SORCS1: variants seen among roughly 807,000 people sequenced by gnomAD.
The protein encoded by SORCS1 is sortilin related VPS10 domain containing receptor 1.
SORCS1 carries 60 observed loss-of-function variants against 146.1 expected under a neutral mutation model. The ratio of observed to expected loss-of-function variants is 0.41; its 90% CI spans 0.33 to 0.51. SORCS1 has a LOEUF of 0.51. Among genes scored for constraint, SORCS1 ranks in the 20% least tolerant of loss-of-function variants. The pLI is 0.21. For synonymous variants in SORCS1, 637 were observed against 584.0 expected (o/e 1.09, Z -1.31); for missense variants, 1,352 against 1,487.6 (o/e 0.91, Z 1.50).
chr10:107,114,932 T>C (rs929089166), intron 1 of SORCS1, among the ~76,000 whole-genome samples: 2 of 152,042 alleles, frequency 1.3e-5, no homozygotes, highest in African/African-American at 4.8e-5. Context: ...GACATACACA[T>C]GTCAGTTGCA....
chr10:106,757,799 G>C (rs1194172628), intron 5 of SORCS1, among the ~76,000 whole-genome samples: 1 of 152,188 alleles, frequency 6.6e-6, no homozygotes, highest in Non-Finnish European at 1.5e-5. Flanking sequence ...AGCATTTGTT[G>C]ATTTAGTAGA....
At chr10:106,628,667 C>T (rs1848248186) in intron 19 of SORCS1, among the ~76,000 whole-genome samples, 1 of 152,190 alleles carries the variant, frequency 6.6e-6, no homozygotes, top group Non-Finnish European at 1.5e-5. Flanking sequence ...TTTCTCTCTA[C>T]ACCACCTTCT....
the SORCS1 span, among the ~76,000 whole-genome samples, chr10:107,172,910 TGAC>T: frequency 1.3e-5 from 2 of 152,334 alleles, no homozygotes; most frequent in Middle Eastern, 6.8e-3. Flanking sequence ...CCGGTAACAT[TGAC>T]AATGTTTGTT....
rs764329612 is a variant in SORCS1 at position 106,660,331 on chromosome 10, C to T, written c.2303+7358G>A. Among the ~76,000 whole-genome samples the T allele has an allele frequency of 4.6e-5, 7 of 152,252 alleles. No homozygotes were observed. The East Asian group carries it at 7.7e-4, about 17-fold the overall frequency. ...AGTGTGATGTTTTGATACATATATACATTGTGTAATGATTAAATCCATCAT... is the reference window on the plus strand; with the variant it reads ...AGTGTGATGTTTTGATACATATATATATTGTGTAATGATTAAATCCATCAT... On this transcript the variant is annotated intron_variant, in intron 17 of 25. Coordinates refer to ENST00000263054, the MANE Select transcript of SORCS1 (RefSeq NM_052918.5).
chr10:107,048,503 G>T (rs980837300), intron 1 of SORCS1, among the ~76,000 whole-genome samples: 1 of 152,128 alleles, frequency 6.6e-6, no homozygotes, highest in Non-Finnish European at 1.5e-5. Flanking sequence ...CATTCACTGC[G>T]GTAGCCCCAA....
At chr10:106,985,412 G>A (rs754710623) in intron 1 of SORCS1, among the ~76,000 whole-genome samples, 5 of 152,010 alleles carry the variant, frequency 3.3e-5, no homozygotes, top group African/African-American at 1.2e-4. Flanking sequence ...CCAGAATTAC[G>A]CTTAAAGGCA....
chr10:106,730,125 G>A lies in SORCS1; in HGVS notation c.960-11C>T. ...GACCCCATCACAGACCTAAAAAATG[G>A]AGAAACATGAAAAGAAACATCCATA... On this transcript the variant is annotated splice_polypyrimidine_tract_variant and intron_variant, in intron 5 of 25. Coordinates refer to ENST00000263054, the MANE Select transcript of SORCS1 (RefSeq NM_052918.5). The A allele has an allele frequency of 1.2e-6, 2 of 1,613,936 alleles. No homozygotes were observed. The highest frequency in any genetic ancestry group is 8.5e-7 in the Non-Finnish European group (1 of 1,179,904).
chr10:107,173,468 CTATT>C, the SORCS1 span, among the ~76,000 whole-genome samples: 3 of 152,080 alleles, frequency 2.0e-5, no homozygotes, highest in Non-Finnish European at 2.9e-5. Context: ...AAAGATTTCA[CTATT>C]TATATATACA....
intron 24 of SORCS1, among the ~76,000 whole-genome samples, chr10:106,595,920 A>G (rs1026897679): frequency 6.6e-6 from 1 of 152,210 alleles, no homozygotes; most frequent in African/African-American, 2.4e-5. Flanking sequence ...AATTTCCTAT[A>G]CAGCTTTAGT....
rs575752336 is a variant in SORCS1, at chr10:107,035,338, A to G, written c.559-78758T>C. 1.2e-3 allele frequency among the ~76,000 whole-genome samples: 184 copies of G among 151,826 alleles called. 1 individual carries two copies. Among genetic ancestry groups the G allele is most frequent in the Non-Finnish European group, 1.9e-3 (132 of 67,962 alleles). ...CATTACGCATGGTTCTCTTTGGAGG[A>G]AAGCATAGTGAATCAGGTGCTGTGC... On this transcript the variant is annotated intron_variant, in intron 1 of 25. Coordinates refer to ENST00000263054, the MANE Select transcript of SORCS1 (RefSeq NM_052918.5).
At chr10:106,874,773 G>T (rs1950538735) in intron 2 of SORCS1, among the ~76,000 whole-genome samples, 1 of 152,166 alleles carries the variant, frequency 6.6e-6, no homozygotes, top group South Asian at 2.1e-4. Context: ...AGTTCAGACG[G>T]TGATGACTAG....
intron 2 of SORCS1, among the ~76,000 whole-genome samples, chr10:106,895,223 T>C (rs1951419967): frequency 6.6e-6 from 1 of 152,184 alleles, no homozygotes; most frequent in African/African-American, 2.4e-5. Context: ...GGAAATGATA[T>C]GAAACAGCTG....
intron 1 of SORCS1, among the ~76,000 whole-genome samples, chr10:107,089,647 T>C (rs1250988102): frequency 6.6e-6 from 1 of 151,784 alleles, no homozygotes; most frequent in African/African-American, 2.4e-5. Flanking sequence ...AATAAACAAA[T>C]GAAAAAAAGG....
At chr10:106,816,515 A>G (rs1170024075) in intron 3 of SORCS1, among the ~76,000 whole-genome samples, 2 of 152,184 alleles carry the variant, frequency 1.3e-5, no homozygotes, top group African/African-American at 2.4e-5. Flanking sequence ...CGGCCCTGCA[A>G]TTTAGCAACA....
At chr10:107,056,301 G>C (rs1960628831) in intron 1 of SORCS1, among the ~76,000 whole-genome samples, 2 of 152,206 alleles carry the variant, frequency 1.3e-5, no homozygotes. Context: ...GAAAGAACAA[G>C]TCATTTACTG....
chr10:106,582,540 T>C (rs537882306), intron 24 of SORCS1, among the ~76,000 whole-genome samples: 3 of 152,212 alleles, frequency 2.0e-5, no homozygotes, highest in Non-Finnish European at 2.9e-5. Flanking sequence ...TTTCTTAGTT[T>C]GCCCAGCACT....
At chr10:106,939,202 C>T (rs1484063348) in intron 2 of SORCS1, among the ~76,000 whole-genome samples, 2 of 152,212 alleles carry the variant, frequency 1.3e-5, no homozygotes, top group African/African-American at 2.4e-5. Flanking sequence ...CGGACATTTC[C>T]CTTGCCCCAG....
chr10:106,709,661 G>C (rs1162686875), intron 6 of SORCS1, among the ~76,000 whole-genome samples: 1 of 151,976 alleles, frequency 6.6e-6, no homozygotes, highest in African/African-American at 2.4e-5. Flanking sequence ...TGTTAGCCAG[G>C]ATGGTCTCGA....
At chr10:106,755,348 G>A (rs1328279056) in intron 5 of SORCS1, among the ~76,000 whole-genome samples, 1 of 152,154 alleles carries the variant, frequency 6.6e-6, no homozygotes, top group Non-Finnish European at 1.5e-5. Flanking sequence ...TGTTATGTTG[G>A]ATAAACAACA....
Sources: allele counts gnomAD v4.1 joint callset (sites outside exome capture counted in the v4.1 genomes callset), GRCh38; gene constraint gnomAD v4.1.1; transcripts MANE v1.5; gene names NCBI Gene and HGNC (gene_info 2026-07-23, HGNC 2026-07-21).